The following GNB3 variants were observed in gnomAD, a reference collection of about 807,000 sequenced individuals.
GNB3 encodes the protein guanine nucleotide-binding protein G(I)/G(S)/G(T) subunit beta-3.
In GNB3, 33 loss-of-function variants were observed where a neutral mutation model predicts 41.2. The observed-to-expected ratio is 0.80, with a 90% confidence interval of 0.61 to 1.07. The LOEUF is 1.07. Ranked by LOEUF, GNB3 falls within the 50% of genes least tolerant of loss-of-function variation. The pLI is 0.00. For missense variants in GNB3, 409 were observed against 455.3 expected, an observed-to-expected ratio of 0.90 and a Z score of 0.92; for synonymous variants, 172 against 173.4, an observed-to-expected ratio of 0.99 and a Z score of 0.06.
At chr12:6,841,719 C>T (rs1297185905) in intron 3 of GNB3, 95 bp downstream of exon 3, 3 of 886,850 alleles carry the variant, frequency 3.4e-6, no homozygotes, top group African/African-American at 1.7e-5. Context: ...ATTAGTACAG[C>T]ACGTCCTTGG....
chr12:6,845,979 C>T lies in GNB3; in HGVS notation c.916+177C>T, dbSNP rs1555124631. 5.0e-6 allele frequency: 3 copies of T among 604,612 alleles called. No individual in the cohort carries two copies. In the African/African-American group the frequency reaches 5.5e-5, roughly 11 times the overall value. 37.5% of individuals were successfully genotyped at this position (604,612 alleles called of 1,614,324 possible). On this transcript the variant is annotated intron_variant, in intron 9 of 9. Coordinates refer to ENST00000229264, the MANE Select transcript of GNB3 (RefSeq NM_002075.4). The stretch of plus-strand genomic sequence containing the variant: ...CTTGGTTCCCAACTAGGACTGTTTT[C>T]CCTCAGTGTTGCTCTAAGCAGCCTC...
chr12:6,845,671 T>C lies in GNB3; in HGVS notation c.785T>C (p.Ile262Thr), dbSNP rs782118360. The change falls in exon 9 of 10, where the codon ATC (isoleucine) becomes ACC (threonine). Residue 262 changes from isoleucine (I) to threonine (T), a missense_variant. Transcript: ENST00000229264. ...GACCTGCGGGCAGACCAGGAGCTGA[T>C]CTGCTTCTCCCACGAGAGCATCATC... is the stretch of plus-strand genomic sequence containing the variant. ...LFDLRADQEL[I>T]CFSHESIICG... 1.9e-6 allele frequency: 3 copies of C among 1,614,104 alleles called. No homozygotes were observed. The highest frequency in any genetic ancestry group is 4.5e-5 in the East Asian group (2 of 44,884).
chr12:6,841,631 C>A lies in GNB3; in HGVS notation c.96+7C>A. 2.5e-6 allele frequency: 4 copies of A among 1,607,942 alleles called. No individual in the cohort carries two copies. Among genetic ancestry groups the A allele is most frequent in the Non-Finnish European group, 2.6e-6 (3 of 1,175,220 alleles). ...TGACGTTACTCTGGCAGAGGTAAGA[C>A]CCCCTGTCCCCCGGAAGGCAGGGCA... On this transcript the variant is annotated splice_region_variant and intron_variant, in intron 3 of 9. Coordinates refer to ENST00000229264, the MANE Select transcript of GNB3 (RefSeq NM_002075.4).
chr12:6,846,560 C>T (rs1943703129), intron 9 of GNB3: 1 of 440,338 alleles, frequency 2.3e-6, no homozygotes, highest in Non-Finnish European at 4.1e-6. Flanking sequence ...TAGCCTTCTT[C>T]AGGGGTTGAG....
At position 6,846,814 on chromosome 12, in the gene GNB3, C is replaced by G; in HGVS notation, c.939C>G (p.Asn313Lys). The change falls in exon 10 of 10, where the codon AAC becomes AAG. Residue 313 changes from asparagine to lysine, a missense_variant. Asn to Lys is a moderately conservative substitution (Grantham distance 94). Transcript: ENST00000229264. ...ERVGILSGHD[N>K]RVSCLGVTAD... is the part of the protein sequence containing the mutation. ...CAGGCATCCTCTCTGGCCACGATAACAGGGTGAGCTGCCTGGGAGTCACAG... is the reference window on the plus strand; with the variant it reads ...CAGGCATCCTCTCTGGCCACGATAAGAGGGTGAGCTGCCTGGGAGTCACAG... The G allele has an allele frequency of 1.3e-6, 2 of 1,597,670 alleles. No homozygotes were observed. The highest frequency in any genetic ancestry group is 1.7e-6 in the Non-Finnish European group (2 of 1,171,692).
Position 6,841,328 on chromosome 12 carries a change from T to C in GNB3, c.41T>C (p.Leu14Pro). 1 of 1,613,338 alleles carries C rather than the reference T, an allele frequency of 6.2e-7. No individual in the cohort carries two copies. The highest frequency in any genetic ancestry group is 2.2e-5 in the East Asian group (1 of 44,852). Reference sequence around the variant, plus strand: ...CAACTGCGTCAGGAAGCGGAGCAGCTCAAGAAGCAGATTGCAGTAACTCCA... The same window carrying C: ...CAACTGCGTCAGGAAGCGGAGCAGCCCAAGAAGCAGATTGCAGTAACTCCA... The part of the protein sequence containing the change: ...MEQLRQEAEQ[L>P]KKQIADARKA... The change falls in exon 2 of 10, where the codon CTC becomes CCC. Residue 14 changes from leucine (L) to proline (P), a missense_variant. Coordinates refer to ENST00000229264, the MANE Select transcript of GNB3 (RefSeq NM_002075.4).
chr12:6,843,491 T>A lies in GNB3; in HGVS notation c.396T>A (p.Asn132Lys). The A allele has an allele frequency of 6.2e-7, 1 of 1,614,124 alleles. No homozygotes were observed. ...SIYNLKSREGNVKVSRELSAH... is the reference protein window; with the variant it reads ...SIYNLKSREGKVKVSRELSAH... Reference sequence around the variant, plus strand: ...ACAACCTCAAATCCCGTGAGGGCAATGTCAAGGTCAGCCGGGAGCTTTCTG... The same window carrying A: ...ACAACCTCAAATCCCGTGAGGGCAAAGTCAAGGTCAGCCGGGAGCTTTCTG... Residue 132 changes from asparagine (N) to lysine (K), a missense_variant, in exon 6 of 10, where the codon AAT (asparagine) becomes AAA (lysine). By Grantham distance (94) the Asn-to-Lys change is moderately conservative. Transcript: ENST00000229264. This position sits in a 1 kb window ranked among gnomAD's most constrained non-coding sequence, Gnocchi z 5.9.
At chr12:6,846,732 C>T in intron 9 of GNB3, 60 bp from the exon 10 acceptor site, 2 of 933,622 alleles carry the variant, frequency 2.1e-6, no homozygotes, top group Non-Finnish European at 1.7e-6. Flanking sequence ...TACACGCATG[C>T]ACACACTGCT....
At position 6,845,733 on chromosome 12, in the gene GNB3, C is replaced by T. The variant is rs202103093; in HGVS notation, c.847C>T (p.Arg283Cys). Residue 283 changes from arginine to cysteine, a missense_variant, in exon 9 of 10, where the codon CGC becomes TGC. Transcript: ENST00000229264. The part of the protein sequence containing the change: ...ITSVAFSLSG[R>C]LLFAGYDDFN... ...GTCCGTGGCCTTCTCCCTCAGTGGC[C>T]GCCTACTATTCGCTGGCTACGACGA... The T allele has an allele frequency of 2.9e-5, 47 of 1,614,074 alleles. No homozygotes were observed. The highest frequency in any genetic ancestry group is 2.2e-4 in the Admixed American group (13 of 60,018).
chr12:6,841,358 C>T lies in GNB3; in HGVS notation c.57+14C>T, dbSNP rs892715161. On this transcript the variant is annotated intron_variant, in intron 2 of 9. Transcript: ENST00000229264. ...AAGCAGATTGCAGTAACTCCAGAGC[C>T]CTACCCCTGGGGCCCCAGAAAACAG... The T allele has an allele frequency of 1.3e-5, 21 of 1,610,748 alleles. No individual in the cohort carries two copies. The highest frequency in any genetic ancestry group is 1.8e-5 in the Non-Finnish European group (21 of 1,178,138).
At chr12:6,844,007 T>A (rs782714503) in intron 8 of GNB3, 29 bp downstream of exon 8, 1 of 1,512,964 alleles carries the variant, frequency 6.6e-7, no homozygotes, top group African/African-American at 1.4e-5. Flanking sequence ...CCAGCTTCAC[T>A]CCAACTCCTT....
chr12:6,841,547 A>C (rs782820356), intron 2 of GNB3, 39 bp from the exon 3 acceptor site: 1 of 1,583,574 alleles, frequency 6.3e-7, no homozygotes, highest in African/African-American at 1.3e-5. Flanking sequence ...TGCCACCCCC[A>C]CCTCGCCCTT....
chr12:6,842,587 C>T (rs1387140944), intron 3 of GNB3, among the ~76,000 whole-genome samples: 1 of 152,202 alleles, frequency 6.6e-6, no homozygotes, highest in Non-Finnish European at 1.5e-5. Flanking sequence ...CGTGCTGCAG[C>T]GGTGGGTGCA....
intron 9 of GNB3, 55 bp downstream of exon 9, chr12:6,845,857 T>G: frequency 9.3e-7 from 1 of 1,078,616 alleles, no homozygotes; most frequent in East Asian, 2.8e-5. Context: ...TCCCCAGCCC[T>G]CCCTCCCCAT....
chr12:6,843,959 C>A lies in GNB3; in HGVS notation c.680C>A (p.Ser227Ter), dbSNP rs782769083. 6.2e-7 allele frequency: 1 copy of A among 1,612,060 alleles called. No homozygotes were observed. Among genetic ancestry groups the A allele is most frequent in the Non-Finnish European group, 8.5e-7 (1 of 1,178,716 alleles). ...TCRQTFTGHE[S>*]DINAICFFPN... ...CGTCAGACTTTCACTGGCCACGAGT[C>A]GGACATCAACGCCATCTGTGTGAGT... Residue 227 changes from serine to a stop codon, truncating the protein, a stop_gained, in exon 8 of 10, where the codon TCG becomes TAG. Transcript: ENST00000229264. LOFTEE classifies it high-confidence loss of function. The surrounding 1 kb of genome is among the most constrained non-coding windows in gnomAD (Gnocchi z 5.9).
rs1025771772 is a variant in GNB3 at position 6,841,408 on chromosome 12, A to G, written c.57+64A>G. ...GCTGGGGACATGAGGAGCGTGGCCC[A>G]GGGGGAGGGGGCTGGGTTTGCTCTT... On this transcript the variant is annotated intron_variant, in intron 2 of 9. Transcript: ENST00000229264. 35 of 1,427,030 alleles carry G rather than the reference A, an allele frequency of 2.5e-5. No homozygotes were observed. The African/African-American group carries it at 4.5e-4, about 18-fold the overall frequency. The allele number at this position is 1,427,030 out of a possible 1,614,324, so 88.4% of individuals were successfully genotyped here.
At position 6,843,637 on chromosome 12, in the gene GNB3, C is replaced by T; in HGVS notation, c.436C>T (p.Leu146Phe). Reference protein sequence around the residue: ...SRELSAHTGYLSCCRFLDDNN... With the variant: ...SRELSAHTGYFSCCRFLDDNN... ...GTCCTTCTAACCGCCTCCAGGTTAT[C>T]TCTCCTGCTGCCGCTTCCTGGATGA... Residue 146 changes from leucine to phenylalanine, a missense_variant, in exon 7 of 10, where the codon CTC becomes TTC. By Grantham distance (22) the Leu-to-Phe change is conservative. Transcript: ENST00000229264. This position sits in a 1 kb window ranked among gnomAD's most constrained non-coding sequence, Gnocchi z 5.9. 1.2e-6 allele frequency: 2 copies of T among 1,614,168 alleles called. No individual in the cohort carries two copies. The highest frequency in any genetic ancestry group is 8.5e-7 in the Non-Finnish European group (1 of 1,179,984).
chr12:6,846,605 G>T lies in GNB3; in HGVS notation c.917-187G>T, dbSNP rs115483519. The stretch of plus-strand genomic sequence containing the variant: ...CCGAGTCTAGGATCCCTGCATGCAT[G>T]TGCTCAAGCACACATGCACACACAC... On this transcript the variant is annotated intron_variant, in intron 9 of 9. Coordinates refer to ENST00000229264, the MANE Select transcript of GNB3 (RefSeq NM_002075.4). The T allele has an allele frequency of 5.6e-4, 294 of 520,576 alleles. 1 individual carries two copies. The highest frequency in any genetic ancestry group is 5.2e-3 in the African/African-American group (273 of 52,410). The allele number at this position is 520,576 out of a possible 1,614,324, so 32.2% of individuals were successfully genotyped here.
rs28395774 is a variant in GNB3, at chr12:6,843,225, C to T, written c.255C>T (p.Tyr85=). Residue 85 remains tyrosine (Y), a synonymous_variant, in exon 5 of 10, where the codon TAC becomes TAT. Transcript: ENST00000229264. This position sits in a 1 kb window ranked among gnomAD's most constrained non-coding sequence, Gnocchi z 5.9. ...GGAAGCTGATCGTGTGGGACAGCTA[C>T]ACCACCAACAAGGTACCAGCCCTGC... The part of the protein sequence containing the change: ...QDGKLIVWDS[Y]TTNKVHAIPL... 5 of 1,613,774 alleles carry T rather than the reference C, an allele frequency of 3.1e-6. No homozygotes were observed. In the African/African-American group the frequency reaches 4.0e-5, roughly 13 times the overall value.
Sources: allele counts gnomAD v4.1 joint callset (sites outside exome capture counted in the v4.1 genomes callset), GRCh38; gene constraint gnomAD v4.1.1; non-coding constraint Gnocchi (gnomAD v3.1); transcripts MANE v1.5; gene names NCBI Gene and HGNC (gene_info 2026-07-23, HGNC 2026-07-21).